The following GEMIN8 variants were observed in gnomAD, a reference collection of about 807,000 sequenced individuals.
GEMIN8 encodes the protein gem-associated protein 8.
For missense variants in GEMIN8, 185 were observed against 205.9 expected (o/e 0.90, Z 0.62); for synonymous variants, 80 against 78.5 (o/e 1.02, Z -0.10).
In GEMIN8 at chrX:14,020,415, G is replaced by C. The variant is rs150567066; in HGVS notation, c.135C>G (p.Ala45=). ...ATGGAAGATTGAAACAGGATTCCAC[G>C]GCCTTCCTGTAGGCATTGTGATGGC... ...MQSHHNAYRK[A]VESCFNLPWY... Residue 45 remains alanine, a synonymous_variant, in exon 4 of 5, where the codon GCC becomes GCG. Coordinates refer to ENST00000680255, the MANE Select transcript of GEMIN8 (RefSeq NM_001042479.2). The C allele has an allele frequency of 1.5e-3, 1,814 of 1,204,453 alleles. 14 individuals are homozygous for C. The African/African-American group carries it at 0.027, about 18-fold the overall frequency.
chrX:13,994,397 A>C, the GEMIN8 span, among the ~76,000 whole-genome samples: 1 of 111,982 alleles, frequency 8.9e-6, no homozygotes, highest in African/African-American at 3.3e-5. Context: ...TCCTCCCCTC[A>C]GTTCCTGCTG....
rs777419531 is a variant in GEMIN8 at position 14,006,907 on chromosome X, C to T, written c.*2006G>A. The stretch of plus-strand genomic sequence containing the variant: ...GTAACAAAGCCAGTAGGGGTGAGAC[C>T]GGCATGGTGATTTCTTTAGGGGAGG... On this transcript the variant is annotated 3_prime_UTR_variant, in exon 5 of 5. Coordinates refer to ENST00000680255, the MANE Select transcript of GEMIN8 (RefSeq NM_001042479.2). Among the ~76,000 whole-genome samples the T allele has an allele frequency of 2.5e-4, 28 of 111,263 alleles. No homozygotes were observed. The highest frequency in any genetic ancestry group is 2.8e-4 in the East Asian group (1 of 3,564).
chrX:14,017,768 C>T (rs929685165), intron 4 of GEMIN8, among the ~76,000 whole-genome samples: 2 of 112,015 alleles, frequency 1.8e-5, no homozygotes, highest in African/African-American at 6.5e-5. Flanking sequence ...TTTATAAGGA[C>T]CTGAGTCACA....
intron 4 of GEMIN8, among the ~76,000 whole-genome samples, chrX:14,011,758 G>C (rs1201716124): frequency 9.0e-6 from 1 of 111,212 alleles, no homozygotes; most frequent in Non-Finnish European, 1.9e-5. Context: ...TTAGAAGTTT[G>C]AATGAACACT....
chrX:14,012,215 T>C (rs1042367086), intron 4 of GEMIN8, among the ~76,000 whole-genome samples: 1 of 107,915 alleles, frequency 9.3e-6, no homozygotes, highest in Non-Finnish European at 1.9e-5. Context: ...CCTCCTGGGC[T>C]CAAGCGATCC....
At chrX:14,000,097 G>T in the GEMIN8 span, among the ~76,000 whole-genome samples, 2 of 109,522 alleles carry the variant, frequency 1.8e-5, no homozygotes, top group Non-Finnish European at 3.8e-5. Context: ...TTGAGCCCAG[G>T]AGTTTGAGAT....
intron 2 of GEMIN8, among the ~76,000 whole-genome samples, chrX:14,024,027 C>A (rs1394240863): frequency 1.8e-5 from 2 of 112,342 alleles, no homozygotes; most frequent in Non-Finnish European, 3.8e-5. Context: ...TTGGGAAAAT[C>A]CAGTGTGGTA....
the GEMIN8 span, among the ~76,000 whole-genome samples, chrX:13,989,874 T>C: frequency 8.9e-6 from 1 of 112,637 alleles, no homozygotes; most frequent in Admixed American, 9.3e-5. Context: ...GAGACACTCA[T>C]AGAAGTATAT....
chrX:14,026,220 A>G lies in GEMIN8; in HGVS notation c.-114T>C. The stretch of plus-strand genomic sequence containing the variant: ...TAACTTTTCTCCAATGGGCTGGTGG[A>G]GCTGAAAGAAAAGAGATTGGCAATG... On this transcript the variant is annotated splice_region_variant and 5_prime_UTR_variant, in exon 2 of 5. Transcript: ENST00000680255. 1.3e-6 allele frequency: 1 copy of G among 750,801 alleles called. No individual in the cohort carries two copies. Among genetic ancestry groups the G allele is most frequent in the Non-Finnish European group, 1.6e-6 (1 of 635,923 alleles). 61.9% of individuals were successfully genotyped at this position (750,801 alleles called of 1,213,427 possible).
chrX:13,995,059 C>T, the GEMIN8 span, among the ~76,000 whole-genome samples: 1 of 111,733 alleles, frequency 8.9e-6, no homozygotes, highest in Non-Finnish European at 1.9e-5. Flanking sequence ...CACTTAAGTG[C>T]CCACTGGACC....
At chrX:14,017,806 A>T (rs1924034780) in intron 4 of GEMIN8, among the ~76,000 whole-genome samples, 1 of 112,330 alleles carries the variant, frequency 8.9e-6, no homozygotes, top group Non-Finnish European at 1.9e-5. Flanking sequence ...TAATGACCTC[A>T]CTTAACCTCA....
At chrX:13,993,948 C>T in the GEMIN8 span, among the ~76,000 whole-genome samples, 1 of 110,858 alleles carries the variant, frequency 9.0e-6, no homozygotes, top group African/African-American at 3.3e-5. Context: ...TAATGAGCTC[C>T]CCAGGATATT....
chrX:13,985,314 AC>A, the GEMIN8 span, among the ~76,000 whole-genome samples: 1 of 111,718 alleles, frequency 9.0e-6, no homozygotes, highest in Non-Finnish European at 1.9e-5. Context: ...AGTCAATGGG[AC>A]TGCATTAGGA....
At chrX:14,001,190 C>T in the GEMIN8 span, among the ~76,000 whole-genome samples, 4 of 112,175 alleles carry the variant, frequency 3.6e-5, no homozygotes, top group Non-Finnish European at 7.5e-5. Context: ...TTTTGCTGAT[C>T]TGATTTCAAC....
At chrX:14,013,483 G>A (rs1304948826) in intron 4 of GEMIN8, among the ~76,000 whole-genome samples, 1 of 112,332 alleles carries the variant, frequency 8.9e-6, no homozygotes, top group Non-Finnish European at 1.9e-5. Context: ...TGTCCACCTG[G>A]AACCACAGAA....
At chrX:14,027,446 C>T (rs1924755949) in intron 1 of GEMIN8, among the ~76,000 whole-genome samples, 1 of 112,845 alleles carries the variant, frequency 8.9e-6, no homozygotes, top group African/African-American at 3.2e-5. Context: ...CTCAAGTGCA[C>T]ATGCCACTGT....
At chrX:14,028,357 C>A (rs760778764) in intron 1 of GEMIN8, among the ~76,000 whole-genome samples, 2 of 112,181 alleles carry the variant, frequency 1.8e-5, no homozygotes, top group Non-Finnish European at 3.8e-5. Flanking sequence ...CCTAGTAACT[C>A]AAAAAACTGA....
the GEMIN8 span, among the ~76,000 whole-genome samples, chrX:13,985,655 G>T: frequency 9.0e-6 from 1 of 111,591 alleles, no homozygotes; most frequent in South Asian, 3.8e-4. Context: ...TGTTGTATTG[G>T]AAACCTACTT....
At chrX:14,025,572 T>G (rs1438320677) in intron 2 of GEMIN8, among the ~76,000 whole-genome samples, 2 of 111,632 alleles carry the variant, frequency 1.8e-5, no homozygotes, top group African/African-American at 6.5e-5. Context: ...CATAAATGAT[T>G]AGGTTTGGAG....
Sources: gnomAD v4.1 joint callset for allele counts (sites outside exome capture counted in the v4.1 genomes callset) on GRCh38, gnomAD v4.1.1 for gene constraint, MANE v1.5 for transcripts, NCBI Gene and HGNC (gene_info 2026-07-23, HGNC 2026-07-21) for gene names.